Variants in TTC21B observed in about 807,000 individuals in gnomAD.
TTC21B encodes the protein tetratricopeptide repeat protein 21B.
A neutral mutation model predicts 175.1 loss-of-function variants in TTC21B; 127 were observed. That is an observed-to-expected ratio of 0.73 (90% CI 0.63 to 0.84). The LOEUF is 0.84. Among genes scored for constraint, TTC21B ranks in the 40% least tolerant of loss-of-function variants. TTC21B has a pLI of 0.00. For synonymous variants in TTC21B, 524 were observed against 524.5 expected (o/e 1.00, Z 0.01); for missense variants, 1,561 against 1,558.3 (o/e 1.00, Z -0.03).
At chr2:165,889,637 C>T (rs543887441) in intron 24 of TTC21B, among the ~76,000 whole-genome samples, 4 of 152,128 alleles carry the variant, frequency 2.6e-5, no homozygotes, top group South Asian at 4.1e-4. Flanking sequence ...TAACTGGTCT[C>T]GGTAATCCAA....
At position 165,897,447 on chromosome 2, in the gene TTC21B, T is replaced by C. The variant is rs184805291; in HGVS notation, c.2950+1239A>G. Among the ~76,000 whole-genome samples, 78 of 152,238 alleles carry C rather than the reference T, an allele frequency of 5.1e-4. 1 individual carries two copies. The highest frequency in any genetic ancestry group is 4.8e-3 in the Admixed American group (74 of 15,278). On this transcript the variant is annotated intron_variant, in intron 22 of 28. Transcript: ENST00000243344. ...TGAGACAAAGGTTAACTGTGAGGTC[T>C]GGGCCGGCACAACAGTGAGCAGTGA...
chr2:165,897,302 T>C (rs763481758), intron 22 of TTC21B, among the ~76,000 whole-genome samples: 4 of 152,204 alleles, frequency 2.6e-5, no homozygotes, highest in Non-Finnish European at 4.4e-5. Flanking sequence ...AAGATGGCAA[T>C]GCCTTAGACC....
chr2:165,938,723 A>G (rs755073398), intron 6 of TTC21B, among the ~76,000 whole-genome samples: 13 of 152,066 alleles, frequency 8.5e-5, no homozygotes, highest in East Asian at 1.9e-4. Flanking sequence ...AGGCAGGAAG[A>G]AGGAGGGAGG....
chr2:165,939,736 T>C (rs574497689), intron 6 of TTC21B, among the ~76,000 whole-genome samples: 2 of 152,290 alleles, frequency 1.3e-5, no homozygotes, highest in South Asian at 4.1e-4. Context: ...ATTTCAAACT[T>C]ACAATGTTGA....
chr2:165,875,504 A>G (rs754126294), intron 28 of TTC21B, among the ~76,000 whole-genome samples: 1 of 152,194 alleles, frequency 6.6e-6, no homozygotes, highest in African/African-American at 2.4e-5. Context: ...AGAATGTCTT[A>G]TATGGAATAT....
intron 22 of TTC21B, among the ~76,000 whole-genome samples, chr2:165,891,607 ATTCATTCATTCC>A (rs1404837214): frequency 7.1e-6 from 1 of 140,428 alleles, no homozygotes; most frequent in Non-Finnish European, 1.6e-5. Context: ...TCATTCATTC[ATTCATTCATTCC>A]TTTGATCTCA....
chr2:165,912,458 G>A (rs528050991), intron 17 of TTC21B, 56 bp downstream of exon 17: 3 of 1,347,370 alleles, frequency 2.2e-6, no homozygotes, highest in African/African-American at 1.4e-5. Context: ...GCTTCTCGAG[G>A]ACAGGGTATG....
At position 165,901,476 on chromosome 2, in the gene TTC21B, A is replaced by G. The variant is rs369470428; in HGVS notation, c.2757+246T>C. ...GCTGGGATTACAGGAGGCGCCCCCC[A>G]CCACGCTGGCTAATTTTTGTATTTT... On this transcript the variant is annotated intron_variant, in intron 20 of 28. Transcript: ENST00000243344. Among the ~76,000 whole-genome samples, 53 of 151,730 alleles carry G rather than the reference A, an allele frequency of 3.5e-4. No individual in the cohort carries two copies. In the East Asian group the frequency reaches 9.0e-3, roughly 26 times the overall value.
At chr2:165,916,289 T>C (rs1159910233) in intron 14 of TTC21B, among the ~76,000 whole-genome samples, 1 of 152,120 alleles carries the variant, frequency 6.6e-6, no homozygotes, top group Non-Finnish European at 1.5e-5. Context: ...TAAATGGAAA[T>C]TCTTTGTGAT....
chr2:165,932,228 C>A (rs112378002), intron 7 of TTC21B, among the ~76,000 whole-genome samples: 1,812 of 152,156 alleles, frequency 0.012, 38 homozygotes, highest in African/African-American at 0.041. Context: ...GTCAGCCCTT[C>A]AATTGCCTAT....
intron 22 of TTC21B, among the ~76,000 whole-genome samples, chr2:165,893,784 T>C (rs182118193): frequency 5.6e-4 from 85 of 152,048 alleles, no homozygotes; most frequent in African/African-American, 1.9e-3. Flanking sequence ...GAGGAAGATC[T>C]TACTAGACGG....
chr2:165,925,246 A>C (rs115702034), intron 11 of TTC21B, among the ~76,000 whole-genome samples: 2,229 of 152,180 alleles, frequency 0.015, 69 homozygotes, highest in African/African-American at 0.052. Context: ...CATGTTTTAG[A>C]CCCTCAAAGT....
At chr2:165,875,764 T>C (rs984186814) in intron 28 of TTC21B, among the ~76,000 whole-genome samples, 6 of 151,922 alleles carry the variant, frequency 3.9e-5, no homozygotes, top group African/African-American at 1.4e-4. Flanking sequence ...AAATATCTTC[T>C]AACTTAAAGA....
Position 165,917,299 on chromosome 2 carries a change from G to C in TTC21B, c.1857C>G (p.Ile619Met), listed in dbSNP as rs1686211174. The change falls in exon 14 of 29, where the codon ATC (isoleucine) becomes ATG (methionine). Residue 619 changes from isoleucine to methionine, a missense_variant. Ile to Met is a conservative substitution (Grantham distance 10). Transcript: ENST00000243344. ...TEVDTSHRLS[I>M]FLELIDVHRL... ...GGTGAACGTCTATCAATTCAAGAAA[G>C]ATCGATAAACGATGGCTTGTATCAA... The C allele has an allele frequency of 1.2e-6, 2 of 1,614,144 alleles. No individual in the cohort carries two copies. The highest frequency in any genetic ancestry group is 1.7e-6 in the Non-Finnish European group (2 of 1,180,020).
At chr2:165,897,818 G>GT (rs1401557466) in intron 22 of TTC21B, among the ~76,000 whole-genome samples, 1 of 152,198 alleles carries the variant, frequency 6.6e-6, no homozygotes, top group Non-Finnish European at 1.5e-5. Context: ...TGGGGCAAAA[G>GT]AAGAACTGAG....
Position 165,874,792 on chromosome 2 carries a change from T to C in TTC21B, c.3914A>G (p.Asp1305Gly), listed in dbSNP as rs147540469. The stretch of plus-strand genomic sequence containing the variant: ...AGACGCACGGGCCTTATCAAGTATA[T>C]CCTTTCTGATTTTTGGATAAGTTGG... ...AHPTYPKIRK[D>G]ILDKARASLR... Residue 1305 changes from aspartate (D) to glycine (G), a missense_variant, in exon 29 of 29, where the codon GAT becomes GGT. By Grantham distance (94) the Asp-to-Gly change is moderately conservative. Transcript: ENST00000243344. The C allele has an allele frequency of 2.2e-4, 354 of 1,613,644 alleles. 2 individuals are homozygous for C. The highest frequency in any genetic ancestry group is 5.3e-5 in the Non-Finnish European group (63 of 1,179,832).
intron 12 of TTC21B, 79 bp from the exon 13 acceptor site, chr2:165,919,512 T>G (rs890809617): frequency 6.7e-7 from 1 of 1,491,194 alleles, no homozygotes; most frequent in Non-Finnish European, 9.3e-7. Context: ...AAGAAGAGTG[T>G]TTAGTTTACG....
At chr2:165,876,090 A>AT (rs555553022) in intron 28 of TTC21B, 75 bp downstream of exon 28, 385 of 857,978 alleles carry the variant, frequency 4.5e-4, no homozygotes, top group Middle Eastern at 1.0e-3. Flanking sequence ...TTCTATTCAC[A>AT]TACATCTGGA....
rs1189988631 is a variant in TTC21B at position 165,884,237 on chromosome 2, GATA to G, written c.3460-222_3460-220del. Reference sequence around the variant, plus strand: ...GCACTGTGTGGTCAAGATAATTGAAGATAATGACAACTATTCAGATGCCATATG... The same window carrying G: ...GCACTGTGTGGTCAAGATAATTGAAGATGACAACTATTCAGATGCCATATG... On this transcript the variant is annotated intron_variant, in intron 25 of 28. Coordinates refer to ENST00000243344, the MANE Select transcript of TTC21B (RefSeq NM_024753.5). Among the ~76,000 whole-genome samples, 4 of 152,296 alleles carry G rather than the reference GATA, an allele frequency of 2.6e-5. No individual in the cohort carries two copies. The East Asian group carries it at 7.7e-4, about 29-fold the overall frequency.
Sources: gnomAD v4.1 joint callset for allele counts (sites outside exome capture counted in the v4.1 genomes callset) on GRCh38, gnomAD v4.1.1 for gene constraint, MANE v1.5 for transcripts, NCBI Gene and HGNC (gene_info 2026-07-23, HGNC 2026-07-21) for gene names.